The following CSMD1 variants were observed in gnomAD, a reference collection of about 807,000 sequenced individuals.
The protein encoded by CSMD1 is CUB and sushi domain-containing protein 1.
In CSMD1, 213 loss-of-function variants were observed where a neutral mutation model predicts 417.5. The observed-to-expected ratio is 0.51, with a 90% confidence interval of 0.46 to 0.57. The LOEUF (loss-of-function observed/expected upper bound fraction) is 0.57, where lower values mean the gene tolerates loss of function less well. Among genes scored for constraint, CSMD1 ranks in the 20% least tolerant of loss-of-function variants. CSMD1 has a pLI of 0.00. For synonymous variants in CSMD1, 2,862 were observed against 1,736.8 expected (o/e 1.65, Z -16.11); for missense variants, 6,923 against 4,529.7 (o/e 1.53, Z -15.17).
intron 2 of CSMD1, among the ~76,000 whole-genome samples, chr8:4,458,115 ACTTT>A (rs1036850608): frequency 2.0e-5 from 3 of 151,548 alleles, no homozygotes; most frequent in African/African-American, 7.3e-5. Context: ...TTTACATGAA[ACTTT>A]CTGTGTTTAA....
chr8:4,867,981 A>G (rs1392329559), intron 1 of CSMD1, among the ~76,000 whole-genome samples: 1 of 152,054 alleles, frequency 6.6e-6, no homozygotes, highest in African/African-American at 2.4e-5. Flanking sequence ...ACGTTTGTAC[A>G]TCCTTTAAAT....
At chr8:3,921,629 T>C (rs1478257864) in intron 5 of CSMD1, among the ~76,000 whole-genome samples, 2 of 152,196 alleles carry the variant, frequency 1.3e-5, no homozygotes, top group Non-Finnish European at 2.9e-5. Flanking sequence ...ATTTCCCTTT[T>C]GATTTCTTCC....
intron 50 of CSMD1, among the ~76,000 whole-genome samples, chr8:3,033,563 C>T (rs757827669): frequency 6.6e-6 from 1 of 151,896 alleles, no homozygotes; most frequent in African/African-American, 2.4e-5. Context: ...AACACATGGA[C>T]ACAGGGAGGG....
chr8:4,655,145 A>C (rs1160262157), intron 1 of CSMD1, among the ~76,000 whole-genome samples: 1 of 151,958 alleles, frequency 6.6e-6, no homozygotes, highest in African/African-American at 2.4e-5. Flanking sequence ...GACAGTTTTG[A>C]TTCTTTTGAC....
chr8:3,416,466 C>G (rs1048578258), intron 12 of CSMD1, among the ~76,000 whole-genome samples: 3 of 152,098 alleles, frequency 2.0e-5, no homozygotes, highest in African/African-American at 7.2e-5. Flanking sequence ...TTTTAAACAT[C>G]CAATTTCCAC....
rs749149850 is a variant in CSMD1 at position 2,966,032 on chromosome 8, T to A, written c.9101-78A>T. On this transcript the variant is annotated intron_variant, in intron 58 of 69. Coordinates refer to ENST00000635120, the MANE Select transcript of CSMD1 (RefSeq NM_033225.6). ...AATTAGTCACCATTTCTATTCAAGA[T>A]ACTCTCTCTGAGTTGCTATTCACAG... The A allele has an allele frequency of 1.3e-5, 17 of 1,292,214 alleles. 2 individuals carry two copies. The South Asian group carries it at 2.3e-4, about 17-fold the overall frequency. 80.0% of individuals were successfully genotyped at this position (1,292,214 alleles called of 1,614,324 possible).
intron 3 of CSMD1, among the ~76,000 whole-genome samples, chr8:4,300,419 A>C (rs1236125125): frequency 6.6e-6 from 1 of 152,232 alleles, no homozygotes; most frequent in Non-Finnish European, 1.5e-5. Flanking sequence ...GTAAGCGATG[A>C]TGCCAGGCAT....
intron 1 of CSMD1, among the ~76,000 whole-genome samples, chr8:4,757,649 T>A (rs1018970860): frequency 2.0e-5 from 3 of 152,038 alleles, no homozygotes; most frequent in African/African-American, 7.2e-5. Flanking sequence ...GAATAACACA[T>A]CATAATTTTG....
At chr8:3,252,701 T>C (rs1314040651) in intron 26 of CSMD1, among the ~76,000 whole-genome samples, 1 of 152,218 alleles carries the variant, frequency 6.6e-6, no homozygotes, top group Non-Finnish European at 1.5e-5. Context: ...TGGACTTTTT[T>C]TAGGTTGGTA....
chr8:3,028,015 C>G (rs563350559), intron 51 of CSMD1, among the ~76,000 whole-genome samples: 2 of 152,286 alleles, frequency 1.3e-5, no homozygotes, highest in African/African-American at 4.8e-5. Context: ...CCATTTGGCA[C>G]GGCCCTGCTC....
Position 4,463,135 on chromosome 8 carries a change from T to C in CSMD1, c.303-43070A>G, listed in dbSNP as rs1233714063. 3.9e-5 allele frequency among the ~76,000 whole-genome samples: 6 copies of C among 152,266 alleles called. No individual in the cohort carries two copies. In the South Asian group the frequency reaches 1.2e-3, roughly 32 times the overall value. On this transcript the variant is annotated intron_variant, in intron 2 of 69. Transcript: ENST00000635120. ...ACCAAGTATGGGCACAATAATCGAA[T>C]AGACGCTGCCCCAAAGAAGATACAC...
Position 4,207,822 on chromosome 8 carries a change from G to C in CSMD1, c.416-175723C>G, listed in dbSNP as rs373151922. Among the ~76,000 whole-genome samples, 11 of 152,122 alleles carry C rather than the reference G, an allele frequency of 7.2e-5. No individual in the cohort carries two copies. In the East Asian group the frequency reaches 1.3e-3, roughly 19 times the overall value. On this transcript the variant is annotated intron_variant, in intron 3 of 69. Transcript: ENST00000635120. ...AAGTTACAATAATTATGTTGAAACA[G>C]ATGCAACCTCAGCCCTGGTGATGTC...
At chr8:3,248,639 A>G (rs979154996) in intron 26 of CSMD1, among the ~76,000 whole-genome samples, 4 of 136,642 alleles carry the variant, frequency 2.9e-5, no homozygotes, top group African/African-American at 1.1e-4. Flanking sequence ...ACGCTCCCTC[A>G]CTCTTTTTAC....
intron 2 of CSMD1, among the ~76,000 whole-genome samples, chr8:4,442,066 C>A (rs1585081219): frequency 6.6e-6 from 1 of 152,110 alleles, no homozygotes; most frequent in African/African-American, 2.4e-5. Flanking sequence ...TGTTTCAAAA[C>A]TGCTCAGAGT....
At chr8:4,462,793 C>G (rs1054212754) in intron 2 of CSMD1, among the ~76,000 whole-genome samples, 3 of 150,150 alleles carry the variant, frequency 2.0e-5, no homozygotes, top group Non-Finnish European at 4.4e-5. Context: ...GAGGGTACCC[C>G]TTCCTTACAC....
At chr8:4,678,388 G>A (rs1177379810) in intron 1 of CSMD1, among the ~76,000 whole-genome samples, 1 of 151,950 alleles carries the variant, frequency 6.6e-6, no homozygotes, top group Non-Finnish European at 1.5e-5. Flanking sequence ...TCCAGCCTGG[G>A]CAACAGAGCA....
At chr8:4,142,265 C>G (rs902095322) in intron 3 of CSMD1, among the ~76,000 whole-genome samples, 1 of 151,076 alleles carries the variant, frequency 6.6e-6, no homozygotes, top group Non-Finnish European at 1.5e-5. Flanking sequence ...GGTTTTCCTT[C>G]TACTCTTGGT....
chr8:4,955,478 C>A (rs1809036969), intron 1 of CSMD1, among the ~76,000 whole-genome samples: 1 of 150,756 alleles, frequency 6.6e-6, no homozygotes, highest in Non-Finnish European at 1.5e-5. Flanking sequence ...TATTGTGAGA[C>A]AGAGTCTCAC....
rs376381882 is a variant in CSMD1, at chr8:4,098,922, T to C, written c.416-66823A>G. On this transcript the variant is annotated intron_variant, in intron 3 of 69. Coordinates refer to ENST00000635120, the MANE Select transcript of CSMD1 (RefSeq NM_033225.6). Reference sequence around the variant, plus strand: ...GTGGGTTAGAACCAGTATTAGAGACTGGGGTACAACACAGAAAAAATGTTA... The same window carrying C: ...GTGGGTTAGAACCAGTATTAGAGACCGGGGTACAACACAGAAAAAATGTTA... 2.2e-4 allele frequency among the ~76,000 whole-genome samples: 34 copies of C among 152,306 alleles called. No individual in the cohort carries two copies. The South Asian group carries it at 6.9e-3, about 31-fold the overall frequency.
Sources: gnomAD v4.1 joint callset for allele counts (sites outside exome capture counted in the v4.1 genomes callset) on GRCh38, gnomAD v4.1.1 for gene constraint, MANE v1.5 for transcripts, NCBI Gene and HGNC (gene_info 2026-07-23, HGNC 2026-07-21) for gene names.